KSR2: variants seen among roughly 807,000 people sequenced by gnomAD.
KSR2 encodes the protein kinase suppressor of ras 2.
In KSR2, 25 loss-of-function variants were observed where a neutral mutation model predicts 107.8. The observed-to-expected ratio is 0.23, with a 90% CI of 0.17 to 0.32. KSR2 has a LOEUF of 0.32. Among genes scored for constraint, KSR2 ranks in the 10% least tolerant of loss-of-function variants. The pLI, the probability that KSR2 is intolerant of heterozygous loss-of-function variation, is 1.00. For missense variants in KSR2, 887 were observed against 1,268.9 expected (o/e 0.70, Z 4.57); for synonymous variants, 480 against 507.0 (o/e 0.95, Z 0.71).
intron 1 of KSR2, among the ~76,000 whole-genome samples, chr12:117,867,184 T>C (rs1893502885): frequency 6.6e-6 from 1 of 151,954 alleles, no homozygotes; most frequent in South Asian, 2.1e-4. Context: ...GGCATGGTGT[T>C]GTGTGCCTGT....
At chr12:117,919,913 T>C (rs137982959) in intron 1 of KSR2, among the ~76,000 whole-genome samples, 11 of 152,218 alleles carry the variant, frequency 7.2e-5, no homozygotes, top group Non-Finnish European at 1.6e-4. Context: ...GGTTGTTTAT[T>C]TCTGCAGCAT....
chr12:117,793,859 A>G, intron 3 of KSR2, among the ~76,000 whole-genome samples: 1 of 137,294 alleles, frequency 7.3e-6, no homozygotes, highest in Non-Finnish European at 1.6e-5. Context: ...TACCATGCGC[A>G]TATACACCAA....
At chr12:117,674,322 C>G (rs1464996956) in intron 4 of KSR2, 1 of 504,794 alleles carries the variant, frequency 2.0e-6, no homozygotes, top group Admixed American at 2.0e-5. Context: ...CGCAGACTCA[C>G]TTGCATTTGG....
At chr12:117,757,850 A>G (rs1888850045) in intron 4 of KSR2, among the ~76,000 whole-genome samples, 1 of 152,242 alleles carries the variant, frequency 6.6e-6, no homozygotes, top group Non-Finnish European at 1.5e-5. Flanking sequence ...TGGGAAACCC[A>G]AAATTCGTGT....
intron 4 of KSR2, among the ~76,000 whole-genome samples, chr12:117,734,866 G>A (rs1306813982): frequency 6.6e-6 from 1 of 152,208 alleles, no homozygotes; most frequent in Non-Finnish European, 1.5e-5. Flanking sequence ...ACCCAGGATT[G>A]GCCCCCAATT....
intron 1 of KSR2, among the ~76,000 whole-genome samples, chr12:117,908,136 T>C (rs1049481926): frequency 1.3e-5 from 2 of 152,218 alleles, no homozygotes; most frequent in Admixed American, 1.3e-4. Context: ...GATTTATATA[T>C]GGAAAAGCTA....
rs907421654 is a variant in KSR2, at chr12:117,934,434, C to A, written c.180+33642G>T. 3.9e-5 allele frequency among the ~76,000 whole-genome samples: 6 copies of A among 152,158 alleles called. 1 individual carries two copies. Among genetic ancestry groups the A allele is most frequent in the Non-Finnish European group, 2.9e-5 (2 of 68,038 alleles). On this transcript the variant is annotated intron_variant, in intron 1 of 19. Coordinates refer to ENST00000339824, the MANE Select transcript of KSR2 (RefSeq NM_173598.6). ...TGATAAAATGCAAGTGTGGCACTTC[C>A]AGTGGCCATTCTGCCACCGTAAGGA...
chr12:117,750,198 C>A (rs1888563171), intron 4 of KSR2, among the ~76,000 whole-genome samples: 1 of 148,562 alleles, frequency 6.7e-6, no homozygotes, highest in Non-Finnish European at 1.5e-5. Context: ...TGCAGTGAGC[C>A]AAGATCGCAC....
chr12:117,498,131 T>C (rs1873155591), intron 14 of KSR2, among the ~76,000 whole-genome samples: 1 of 152,116 alleles, frequency 6.6e-6, no homozygotes. Flanking sequence ...AGGGTCAGGA[T>C]TGGAGTTCAG....
chr12:117,586,627 G>GT, intron 5 of KSR2, among the ~76,000 whole-genome samples: 1 of 39,044 alleles, frequency 2.6e-5, no homozygotes, highest in Non-Finnish European at 4.2e-5. Flanking sequence ...AAAAAAGAAA[G>GT]AAAAAGAAAG....
chr12:117,936,533 T>TTATTAGTAGTAG (rs1555258977), intron 1 of KSR2, among the ~76,000 whole-genome samples: 17 of 119,684 alleles, frequency 1.4e-4, no homozygotes, highest in Non-Finnish European at 2.1e-4. Flanking sequence ...ATTATTATTA[T>TTATTAGTAGTAG]TAGTAGTAGT....
chr12:117,722,111 T>C (rs868616123), intron 4 of KSR2, among the ~76,000 whole-genome samples: 3 of 152,276 alleles, frequency 2.0e-5, no homozygotes, highest in African/African-American at 7.2e-5. Flanking sequence ...TGGGTTCAAG[T>C]GATCCTCCCG....
intron 14 of KSR2, among the ~76,000 whole-genome samples, chr12:117,516,256 GT>G (rs1385400701): frequency 6.6e-6 from 1 of 152,004 alleles, no homozygotes; most frequent in Non-Finnish European, 1.5e-5. Flanking sequence ...CCAACCTTTC[GT>G]CCAAGCTTGA....
chr12:117,683,553 C>T (rs778647615), intron 4 of KSR2, among the ~76,000 whole-genome samples: 1 of 152,186 alleles, frequency 6.6e-6, no homozygotes, highest in Non-Finnish European at 1.5e-5. Flanking sequence ...GGAACATTTA[C>T]ACCTGAAAAA....
intron 4 of KSR2, among the ~76,000 whole-genome samples, chr12:117,703,182 C>G (rs916620355): frequency 1.3e-5 from 2 of 152,122 alleles, no homozygotes; most frequent in African/African-American, 4.8e-5. Context: ...ATCACACATT[C>G]AGAAGTTGTC....
intron 4 of KSR2, among the ~76,000 whole-genome samples, chr12:117,673,478 A>G (rs1039269684): frequency 2.0e-5 from 3 of 152,156 alleles, no homozygotes; most frequent in African/African-American, 7.2e-5. Flanking sequence ...AAGGATGGAA[A>G]AGGGAAGAAT....
intron 5 of KSR2, among the ~76,000 whole-genome samples, chr12:117,618,095 G>A (rs1344631648): frequency 6.6e-6 from 1 of 152,096 alleles, no homozygotes; most frequent in Non-Finnish European, 1.5e-5. Flanking sequence ...AAAATTTGAG[G>A]AGATAATTTG....
intron 4 of KSR2, among the ~76,000 whole-genome samples, chr12:117,718,587 T>C (rs1887087693): frequency 1.3e-5 from 2 of 152,144 alleles, no homozygotes; most frequent in African/African-American, 2.4e-5. Flanking sequence ...CAGGGGCAGA[T>C]GGGGAAACTG....
intron 1 of KSR2, among the ~76,000 whole-genome samples, chr12:117,917,384 T>TC (rs1895210711): frequency 6.6e-6 from 1 of 152,064 alleles, no homozygotes; most frequent in African/African-American, 2.4e-5. Context: ...CTAAAAAATT[T>TC]TTTTTTAATT....
Sources: allele counts gnomAD v4.1 joint callset (sites outside exome capture counted in the v4.1 genomes callset), GRCh38; gene constraint gnomAD v4.1.1; transcripts MANE v1.5; gene names NCBI Gene and HGNC (gene_info 2026-07-23, HGNC 2026-07-21).